Variants in CMKLR1 observed in about 807,000 individuals in gnomAD.
The protein encoded by CMKLR1 is chemerin chemokine-like receptor 1.
A neutral mutation model predicts 8.2 loss-of-function variants in CMKLR1; 6 were observed. The ratio of observed to expected loss-of-function variants is 0.73; its 90% CI spans 0.40 to 1.44. CMKLR1 has a LOEUF of 1.44. Ranked by LOEUF, CMKLR1 falls within the 40% of genes most tolerant of loss-of-function variation. CMKLR1 has a pLI of 0.02. For synonymous variants in CMKLR1, 178 were observed against 181.2 expected, an observed-to-expected ratio of 0.98 and a Z score of 0.14; for missense variants, 429 against 478.0, an observed-to-expected ratio of 0.90 and a Z score of 0.96.
At chr12:108,338,617 C>T (rs1234188674) in intron 1 of CMKLR1, among the ~76,000 whole-genome samples, 1 of 152,006 alleles carries the variant, frequency 6.6e-6, no homozygotes, top group Non-Finnish European at 1.5e-5. Flanking sequence ...ATTCATAAGA[C>T]ACACACACAA....
intron 1 of CMKLR1, among the ~76,000 whole-genome samples, chr12:108,332,962 G>A (rs1361749301): frequency 6.6e-6 from 1 of 152,096 alleles, no homozygotes; most frequent in Non-Finnish European, 1.5e-5. Context: ...GTGACAGAAT[G>A]AGATTTTGTC....
intron 2 of CMKLR1, among the ~76,000 whole-genome samples, chr12:108,296,678 T>A (rs1891145528): frequency 6.6e-6 from 1 of 152,042 alleles, no homozygotes; most frequent in Admixed American, 6.5e-5. Context: ...ATACAAAAAT[T>A]AGCCAGGCAT....
At chr12:108,308,130 C>G (rs1325205490) in intron 2 of CMKLR1, among the ~76,000 whole-genome samples, 1 of 152,146 alleles carries the variant, frequency 6.6e-6, no homozygotes, top group Non-Finnish European at 1.5e-5. Flanking sequence ...GTAGGTTTCA[C>G]TTCTAGCTCT....
At chr12:108,329,231 G>A (rs1892049140) in intron 2 of CMKLR1, among the ~76,000 whole-genome samples, 1 of 152,186 alleles carries the variant, frequency 6.6e-6, no homozygotes, top group East Asian at 1.9e-4. Context: ...GGACCACCTG[G>A]AAAATTGGGT....
At chr12:108,293,562 G>A (rs1185343204) in intron 3 of CMKLR1, 27 bp downstream of exon 3, 5 of 1,551,330 alleles carry the variant, frequency 3.2e-6, no homozygotes, top group African/African-American at 1.4e-5. Flanking sequence ...GGTGCCCTTT[G>A]GAGTTCAGAC....
At chr12:108,295,270 T>C (rs1363955763) in intron 2 of CMKLR1, among the ~76,000 whole-genome samples, 4 of 152,244 alleles carry the variant, frequency 2.6e-5, no homozygotes, top group Non-Finnish European at 5.9e-5. Context: ...TCAGGACCCA[T>C]GCCCAAGCAT....
chr12:108,334,790 T>G (rs1196449559), intron 1 of CMKLR1, among the ~76,000 whole-genome samples: 1 of 152,260 alleles, frequency 6.6e-6, no homozygotes, highest in East Asian at 1.9e-4. Flanking sequence ...GAGCCTCATT[T>G]TATTCACCTA....
chr12:108,312,979 G>A (rs1309325118), intron 2 of CMKLR1, among the ~76,000 whole-genome samples: 1 of 152,094 alleles, frequency 6.6e-6, no homozygotes. Context: ...CTGCCCCAGG[G>A]TCCTCCTGCC....
chr12:108,291,835 T>TGAGGATCAAAGCG lies in CMKLR1; in HGVS notation c.*5_*6insCGCTTTGATCCTC. ...GAGAGTCCATTGAGGGGTTCCACAGTGAGGATCAAAGCATGCCGGTCTCCC... is the reference window on the plus strand; with the variant it reads ...GAGAGTCCATTGAGGGGTTCCACAGTGAGGATCAAAGCGGAGGATCAAAGCATGCCGGTCTCCC... On this transcript the variant is annotated 3_prime_UTR_variant, in exon 4 of 4. Coordinates refer to ENST00000550402, the MANE Select transcript of CMKLR1 (RefSeq NM_001142343.2). The TGAGGATCAAAGCG allele has an allele frequency of 6.2e-7, 1 of 1,606,900 alleles. No homozygotes were observed. The highest frequency in any genetic ancestry group is 8.5e-7 in the Non-Finnish European group (1 of 1,176,716).
chr12:108,295,465 G>A (rs999630419), intron 2 of CMKLR1, among the ~76,000 whole-genome samples: 1 of 152,234 alleles, frequency 6.6e-6, no homozygotes, highest in African/African-American at 2.4e-5. Context: ...CCAGGGATGA[G>A]GACATGGCCT....
At chr12:108,319,554 T>C (rs1463332130) in intron 2 of CMKLR1, among the ~76,000 whole-genome samples, 1 of 152,196 alleles carries the variant, frequency 6.6e-6, no homozygotes. Context: ...AATGGAGCAA[T>C]ACATGCCTCA....
At chr12:108,315,943 C>A (rs1891712420) in intron 2 of CMKLR1, among the ~76,000 whole-genome samples, 1 of 152,140 alleles carries the variant, frequency 6.6e-6, no homozygotes, top group South Asian at 2.1e-4. Context: ...ATGAATCTTG[C>A]TGCTTACTGT....
chr12:108,307,853 C>T (rs1477008740), intron 2 of CMKLR1, among the ~76,000 whole-genome samples: 4 of 152,170 alleles, frequency 2.6e-5, no homozygotes, highest in Non-Finnish European at 5.9e-5. Context: ...GTCTCTTTTT[C>T]CACTTCTGGG....
chr12:108,315,136 C>G (rs990732882), intron 2 of CMKLR1, among the ~76,000 whole-genome samples: 3 of 152,016 alleles, frequency 2.0e-5, no homozygotes, highest in African/African-American at 7.3e-5. Flanking sequence ...GGGGTTTCTC[C>G]ATGTTGGTCA....
chr12:108,315,050 G>A lies in CMKLR1; in HGVS notation c.-74+14945C>T, dbSNP rs927563490. Among the ~76,000 whole-genome samples, 6 of 148,428 alleles carry A rather than the reference G, an allele frequency of 4.0e-5. No homozygotes were observed. In the Admixed American group the frequency reaches 4.2e-4, roughly 10 times the overall value. On this transcript the variant is annotated intron_variant, in intron 2 of 3. Coordinates refer to ENST00000550402, the MANE Select transcript of CMKLR1 (RefSeq NM_001142343.2). ...CCTCCCAGGTTCAATCGATTCTCCT[G>A]CTTCAGCCTCCCAAGTAGCTGAGAT...
At chr12:108,320,515 C>T (rs574813011) in intron 2 of CMKLR1, 1 of 152,366 alleles carries the variant, frequency 6.6e-6, no homozygotes, top group African/African-American at 2.4e-5. Context: ...AGTGCCAGTC[C>T]ACCTCCTAAG....
intron 2 of CMKLR1, chr12:108,317,797 T>G (rs1388987485): frequency 6.6e-6 from 1 of 152,212 alleles, no homozygotes; most frequent in Non-Finnish European, 1.5e-5. Context: ...CATCTAAAAC[T>G]ATAGAAAGAT....
chr12:108,293,813 G>T, intron 2 of CMKLR1, 149 bp from the exon 3 acceptor site: 1 of 612,626 alleles, frequency 1.6e-6, no homozygotes, highest in Non-Finnish European at 2.9e-6. Context: ...CTGTTATTCA[G>T]CCAAGGTTAT....
Position 108,291,885 on chromosome 12 carries a change from T to C in CMKLR1, c.1078A>G (p.Asn360Asp), listed in dbSNP as rs1256496794. The C allele has an allele frequency of 1.9e-6, 3 of 1,614,128 alleles. No individual in the cohort carries two copies. The highest frequency in any genetic ancestry group is 2.5e-6 in the Non-Finnish European group (3 of 1,179,982). The change falls in exon 4 of 4, where the codon AAT (asparagine) becomes GAT (aspartate). Residue 360 changes from asparagine to aspartate, a missense_variant. Transcript: ENST00000550402. ...HRSFTKMSSM[N>D]ERTSMNERET... ...CTCTCATTCATAGAAGTCCTCTCAT[T>C]CATTGATGACATCTTGGTAAAGCTT... is the stretch of plus-strand genomic sequence containing the variant.
Sources: allele counts gnomAD v4.1 joint callset (sites outside exome capture counted in the v4.1 genomes callset), GRCh38; gene constraint gnomAD v4.1.1; transcripts MANE v1.5; gene names NCBI Gene and HGNC (gene_info 2026-07-23, HGNC 2026-07-21).